The following GFRA2 variants were observed in gnomAD, a reference collection of about 807,000 sequenced individuals.
GFRA2 encodes GDNF family receptor alpha 2.
In GFRA2, 17 loss-of-function variants were observed where a neutral mutation model predicts 48.3. That is an observed-to-expected ratio of 0.35 (90% confidence interval 0.24 to 0.53). The LOEUF (loss-of-function observed/expected upper bound fraction) is 0.53. Among genes scored for constraint, GFRA2 ranks in the 20% least tolerant of loss-of-function variants. GFRA2 has a pLI of 0.93. For missense variants in GFRA2, 660 were observed against 637.3 expected, an observed-to-expected ratio of 1.04 and a Z score of -0.38; for synonymous variants, 305 against 257.2, an observed-to-expected ratio of 1.19 and a Z score of -1.78.
At chr8:21,763,752 C>A (rs145633007) in intron 3 of GFRA2, among the ~76,000 whole-genome samples, 5,123 of 151,894 alleles carry the variant, frequency 0.034, 259 homozygotes, top group East Asian at 0.19. Flanking sequence ...CAAACACTTG[C>A]TCTCCCTCAT....
chr8:21,743,090 G>A (rs1421354712), intron 4 of GFRA2, among the ~76,000 whole-genome samples: 2 of 152,210 alleles, frequency 1.3e-5, no homozygotes, highest in Non-Finnish European at 2.9e-5. Flanking sequence ...AAATTCCAGG[G>A]AGGGTCACTC....
At chr8:21,785,738 T>A (rs1160026587) in intron 1 of GFRA2, among the ~76,000 whole-genome samples, 2 of 152,114 alleles carry the variant, frequency 1.3e-5, no homozygotes, top group African/African-American at 2.4e-5. Context: ...GGGTCAGCAC[T>A]GGAGGTCAAG....
intron 4 of GFRA2, among the ~76,000 whole-genome samples, chr8:21,730,432 G>A (rs866252931): frequency 6.6e-5 from 10 of 151,854 alleles, no homozygotes; most frequent in South Asian, 2.1e-4. Context: ...CCATCCTCTC[G>A]CAACAGAAAT....
chr8:21,789,656 C>T (rs1193210565), upstream of GFRA2, among the ~76,000 whole-genome samples: 1 of 152,112 alleles, frequency 6.6e-6, no homozygotes, highest in South Asian at 2.1e-4. Context: ...GGCCTAGCCC[C>T]GCGCGCACAT....
chr8:21,806,585 C>T (rs1807872419), intron 1 of GFRA2, among the ~76,000 whole-genome samples: 1 of 152,182 alleles, frequency 6.6e-6, no homozygotes, highest in South Asian at 2.1e-4. Flanking sequence ...CTACCTCAGC[C>T]TCCTGAGTAG....
intron 3 of GFRA2, among the ~76,000 whole-genome samples, chr8:21,761,918 C>T (rs1450524533): frequency 6.6e-6 from 1 of 151,976 alleles, no homozygotes; most frequent in East Asian, 1.9e-4. Context: ...CACCACTGTA[C>T]TCCAGCCTGT....
intron 4 of GFRA2, among the ~76,000 whole-genome samples, chr8:21,745,095 C>T (rs1434222196): frequency 6.6e-6 from 1 of 152,262 alleles, no homozygotes; most frequent in East Asian, 1.9e-4. Flanking sequence ...AACACTTTAT[C>T]GCTGGTGACA....
At chr8:21,791,304 T>C (rs1198807563), upstream of GFRA2, among the ~76,000 whole-genome samples, 1 of 151,932 alleles carries the variant, frequency 6.6e-6, no homozygotes, top group Admixed American at 6.6e-5. Flanking sequence ...AGGAGGTAAG[T>C]GGCCCTTCTG....
chr8:21,734,926 G>T (rs1035597469), intron 4 of GFRA2, among the ~76,000 whole-genome samples: 1 of 152,206 alleles, frequency 6.6e-6, no homozygotes, highest in African/African-American at 2.4e-5. Flanking sequence ...TCTATTCAGA[G>T]TCATCCCTCT....
chr8:21,789,283 CCCT>C (rs1320760993), upstream of GFRA2: 2 of 153,190 alleles, frequency 1.3e-5, no homozygotes, highest in Admixed American at 6.5e-5. Context: ...AGCGTCGGCA[CCCT>C]CCTCCTCCTC....
At chr8:21,806,403 TAA>T (rs1807867623) in intron 1 of GFRA2, among the ~76,000 whole-genome samples, 1 of 152,262 alleles carries the variant, frequency 6.6e-6, no homozygotes, top group African/African-American at 2.4e-5. Flanking sequence ...TAGGCTAATA[TAA>T]GTGTTCTCGG....
At chr8:21,708,886 G>C (rs970303658) in intron 4 of GFRA2, among the ~76,000 whole-genome samples, 3 of 152,258 alleles carry the variant, frequency 2.0e-5, no homozygotes, top group African/African-American at 7.2e-5. Flanking sequence ...ATAAACTTCT[G>C]TTGTAAGCCA....
chr8:21,797,777 T>C (rs1240175168), intron 2 of GFRA2: 3 of 152,292 alleles, frequency 2.0e-5, no homozygotes, highest in East Asian at 1.9e-4. Flanking sequence ...TTTTTCCTTA[T>C]GCCAATATGG....
At chr8:21,760,524 G>A (rs963577906) in intron 3 of GFRA2, among the ~76,000 whole-genome samples, 2 of 152,168 alleles carry the variant, frequency 1.3e-5, no homozygotes, top group East Asian at 1.9e-4. Flanking sequence ...ATCATTTCAC[G>A]AAAAAGGAAA....
chr8:21,747,756 CCACACACACACACACACACA>C (rs61578379), intron 4 of GFRA2, among the ~76,000 whole-genome samples: 3 of 139,060 alleles, frequency 2.2e-5, no homozygotes, highest in Non-Finnish European at 3.1e-5. Flanking sequence ...CCATCTTCCA[CCACACACACACACACACACA>C]CACACACACA....
chr8:21,706,622 C>A (rs891170457), intron 4 of GFRA2, among the ~76,000 whole-genome samples: 1 of 152,160 alleles, frequency 6.6e-6, no homozygotes, highest in Admixed American at 6.5e-5. Context: ...TAAGCCAGAG[C>A]AAAGGCTCCT....
At chr8:21,712,917 G>C (rs1225660058) in intron 4 of GFRA2, among the ~76,000 whole-genome samples, 1 of 152,110 alleles carries the variant, frequency 6.6e-6, no homozygotes, top group Admixed American at 6.5e-5. Flanking sequence ...TGAGGCAGGA[G>C]AATCAGGCAG....
intron 3 of GFRA2, among the ~76,000 whole-genome samples, chr8:21,769,494 C>T (rs1051514118): frequency 1.3e-5 from 2 of 152,236 alleles, no homozygotes; most frequent in Non-Finnish European, 2.9e-5. Context: ...GGCAGCTGGA[C>T]TGCTCCACCT....
intron 4 of GFRA2, among the ~76,000 whole-genome samples, chr8:21,717,916 T>G (rs1382207143): frequency 6.6e-6 from 1 of 152,194 alleles, no homozygotes; most frequent in African/African-American, 2.4e-5. Context: ...ACCTAGACCC[T>G]GCACAGAACC....
Sources: gnomAD v4.1 joint callset for allele counts (sites outside exome capture counted in the v4.1 genomes callset) on GRCh38, gnomAD v4.1.1 for gene constraint, MANE v1.5 for transcripts, NCBI Gene and HGNC (gene_info 2026-07-23, HGNC 2026-07-21) for gene names.